Variants in PAPSS2 observed in about 807,000 individuals in gnomAD.
PAPSS2 encodes bifunctional 3'-phosphoadenosine 5'-phosphosulfate synthase 2.
A neutral mutation model predicts 66.5 loss-of-function variants in PAPSS2; 61 were observed. The observed-to-expected ratio is 0.92, with a 90% CI of 0.75 to 1.14. PAPSS2 has a LOEUF of 1.14. Ranked by LOEUF, PAPSS2 falls within the 50% of genes most tolerant of loss-of-function variation. The pLI, the probability that PAPSS2 is intolerant of heterozygous loss-of-function variation, is 0.00. For missense variants in PAPSS2, 708 were observed against 789.6 expected, an observed-to-expected ratio of 0.90 and a Z score of 1.24; for synonymous variants, 289 against 287.5, an observed-to-expected ratio of 1.01 and a Z score of -0.05.
At chr10:87,724,849 T>TACACACACACACAC (rs1468115844) in intron 8 of PAPSS2, among the ~76,000 whole-genome samples, 33 of 52,092 alleles carry the variant, frequency 6.3e-4, no homozygotes, top group Admixed American at 1.0e-3. Context: ...AATCTCTGTC[T>TACACACACACACAC]ATACACACAC....
chr10:87,665,215 C>CT lies in PAPSS2; in HGVS notation c.27+5220dup, dbSNP rs34073508. On this transcript the variant is annotated intron_variant, in intron 1 of 12. Transcript: ENST00000456849. ...AGGACTCCTTTAATTGAATTTACCA[C>CT]TTTTTTTTTTTTTGGAGACAGAGTC... Among the ~76,000 whole-genome samples, 286 of 146,866 alleles carry CT rather than the reference C, an allele frequency of 1.9e-3. 1 individual carries two copies. Among genetic ancestry groups the CT allele is most frequent in the Middle Eastern group, 0.014 (4 of 290 alleles).
intron 1 of PAPSS2, among the ~76,000 whole-genome samples, chr10:87,705,765 G>A (rs1196772597): frequency 1.0e-4 from 15 of 149,152 alleles, no homozygotes; most frequent in Non-Finnish European, 1.6e-4. Context: ...ATGGAGTCTC[G>A]CTCTGTCGCC....
intron 2 of PAPSS2, among the ~76,000 whole-genome samples, chr10:87,712,018 A>G (rs1320767730): frequency 6.6e-6 from 1 of 152,030 alleles, no homozygotes; most frequent in Non-Finnish European, 1.5e-5. Flanking sequence ...TAATTTTGGC[A>G]GGTTGTGTTT....
intron 2 of PAPSS2, among the ~76,000 whole-genome samples, chr10:87,710,143 A>G (rs1853445955): frequency 6.6e-6 from 1 of 152,306 alleles, no homozygotes; most frequent in African/African-American, 2.4e-5. Flanking sequence ...ATAAAATGAT[A>G]ATGTTTTCTA....
intron 1 of PAPSS2, among the ~76,000 whole-genome samples, chr10:87,679,607 A>T (rs1852991893): frequency 1.3e-5 from 2 of 152,038 alleles, no homozygotes; most frequent in African/African-American, 4.8e-5. Flanking sequence ...TTACATGCCA[A>T]TTTTTTTTAT....
At chr10:87,735,643 G>T (rs887635048) in intron 9 of PAPSS2, among the ~76,000 whole-genome samples, 2 of 152,146 alleles carry the variant, frequency 1.3e-5, no homozygotes, top group Non-Finnish European at 2.9e-5. Context: ...CTACCGCAGG[G>T]TTTCTCAGCC....
At chr10:87,732,960 AGT>A (rs1305680109) in intron 9 of PAPSS2, among the ~76,000 whole-genome samples, 8 of 152,214 alleles carry the variant, frequency 5.3e-5, no homozygotes, top group Non-Finnish European at 1.2e-4. Context: ...TTTGTGCAAA[AGT>A]GAGAGAGATT....
chr10:87,685,063 G>A (rs1016359378), intron 1 of PAPSS2, among the ~76,000 whole-genome samples: 1 of 152,136 alleles, frequency 6.6e-6, no homozygotes, highest in South Asian at 2.1e-4. Context: ...TCTGAGCTTA[G>A]GGTAGGGCTA....
At chr10:87,711,182 A>G (rs1853459292) in intron 2 of PAPSS2, among the ~76,000 whole-genome samples, 2 of 152,228 alleles carry the variant, frequency 1.3e-5, no homozygotes, top group Non-Finnish European at 2.9e-5. Flanking sequence ...GACTTTGGAC[A>G]AGCCAGTTAG....
intron 1 of PAPSS2, among the ~76,000 whole-genome samples, chr10:87,671,957 A>T (rs1375155758): frequency 2.6e-5 from 4 of 152,162 alleles, no homozygotes; most frequent in African/African-American, 9.7e-5. Context: ...CCATAAGGGT[A>T]ATTGCTACCT....
At chr10:87,718,065 CAG>C (rs758506406) in intron 7 of PAPSS2, among the ~76,000 whole-genome samples, 3 of 149,066 alleles carry the variant, frequency 2.0e-5, no homozygotes, top group Admixed American at 6.7e-5. Flanking sequence ...TTTTTTGAGA[CAG>C]AGTCTTGCTC....
intron 1 of PAPSS2, among the ~76,000 whole-genome samples, chr10:87,668,500 G>A (rs966508864): frequency 1.1e-4 from 17 of 152,010 alleles, no homozygotes; most frequent in South Asian, 1.0e-3. Context: ...CACTCCACCC[G>A]CACCTTTATA....
intron 2 of PAPSS2, among the ~76,000 whole-genome samples, chr10:87,711,931 G>T (rs543653112): frequency 6.6e-6 from 1 of 152,174 alleles, no homozygotes; most frequent in South Asian, 2.1e-4. Flanking sequence ...TTAAGACAAA[G>T]ATCCTAAAAT....
At chr10:87,675,971 C>CTTTTTTTTTT (rs5786787) in intron 1 of PAPSS2, among the ~76,000 whole-genome samples, 1 of 127,962 alleles carries the variant, frequency 7.8e-6, no homozygotes, top group Non-Finnish European at 1.6e-5. Flanking sequence ...TTCCACATTT[C>CTTTTTTTTTT]TTTTTTTTTT....
intron 1 of PAPSS2, among the ~76,000 whole-genome samples, chr10:87,706,789 CAG>C (rs1450144658): frequency 1.3e-5 from 2 of 151,980 alleles, no homozygotes; most frequent in Non-Finnish European, 2.9e-5. Flanking sequence ...AAGCCCAAAA[CAG>C]AATACCTTCA....
rs2302407 is a variant in PAPSS2 at position 87,715,960 on chromosome 10, G to A, written c.865+117G>A. On this transcript the variant is annotated intron_variant, in intron 7 of 12. Transcript: ENST00000456849. ...AGTTTGCAAATCTTATTGCAAAACT[G>A]TTTGGATCATTTACAGTGTGCTCCA... 357,642 of 728,458 alleles carry A rather than the reference G, an allele frequency of 0.49. 92,394 individuals are homozygous for A. The highest frequency in any genetic ancestry group is 0.74 in the East Asian group (28,161 of 38,168). 45.1% of individuals were successfully genotyped at this position (728,458 alleles called of 1,614,324 possible). A position where few individuals can be genotyped will look rare whatever the true frequency, so the allele number is the denominator to read the frequency against.
Position 87,708,086 on chromosome 10 carries a change from CAT to C in PAPSS2, c.28-1109_28-1108del, listed in dbSNP as rs1468346049. ...TATGGATTTTTTCCCCCTTGGATCA[CAT>C]GTTATTTTCTTTTAAGTCCACCAAA... On this transcript the variant is annotated intron_variant, in intron 1 of 12. Coordinates refer to ENST00000456849, the MANE Select transcript of PAPSS2 (RefSeq NM_001015880.2). 9.2e-5 allele frequency among the ~76,000 whole-genome samples: 14 copies of C among 152,218 alleles called. No individual in the cohort carries two copies. The East Asian group carries it at 2.3e-3, about 25-fold the overall frequency.
In PAPSS2 at chr10:87,709,326, C is replaced by CATATAT. The variant is rs72025574; in HGVS notation, c.145+27_145+32dup. ...GTGTGGCTAACAGGTATGTCATGTT[C>CATATAT]ATATATATATATATATATACAAATT... On this transcript the variant is annotated intron_variant, in intron 2 of 12. Transcript: ENST00000456849. 3 of 1,159,026 alleles carry CATATAT rather than the reference C, an allele frequency of 2.6e-6. No homozygotes were observed. Among genetic ancestry groups the CATATAT allele is most frequent in the Non-Finnish European group, 3.8e-6 (3 of 784,062 alleles). The allele number at this position is 1,159,026 out of a possible 1,614,324, so 71.8% of individuals were successfully genotyped here.
intron 1 of PAPSS2, among the ~76,000 whole-genome samples, chr10:87,701,378 TTC>T (rs1589429898): frequency 2.9e-5 from 3 of 104,834 alleles, no homozygotes; most frequent in African/African-American, 9.3e-5. Context: ...CTTTCTTTCT[TTC>T]TTTCTTTCTT....
Sources: allele counts gnomAD v4.1 joint callset (sites outside exome capture counted in the v4.1 genomes callset), GRCh38; gene constraint gnomAD v4.1.1; transcripts MANE v1.5; gene names NCBI Gene and HGNC (gene_info 2026-07-23, HGNC 2026-07-21).